ADAM7: variants seen among roughly 807,000 people sequenced by gnomAD.
ADAM7 encodes the protein ADAM metallopeptidase domain 7.
In ADAM7, 97 loss-of-function variants were observed where a neutral mutation model predicts 102.9. The observed-to-expected ratio is 0.94, with a 90% confidence interval of 0.80 to 1.12. The LOEUF is 1.12. Ranked by LOEUF, ADAM7 falls within the 50% of genes most tolerant of loss-of-function variation. The pLI, the probability that ADAM7 is intolerant of heterozygous loss-of-function variation, is 0.00. For synonymous variants in ADAM7, 334 were observed against 304.4 expected, an observed-to-expected ratio of 1.10 and a Z score of -1.01; for missense variants, 991 against 908.7, an observed-to-expected ratio of 1.09 and a Z score of -1.16.
chr8:24,447,964 A>G (rs944520538), intron 3 of ADAM7, among the ~76,000 whole-genome samples: 1 of 151,546 alleles, frequency 6.6e-6, no homozygotes, highest in African/African-American at 2.4e-5. Flanking sequence ...ACACACACAC[A>G]CACACACACA....
At chr8:24,465,600 T>G (rs1819397832) in intron 4 of ADAM7, 99 bp from the exon 5 acceptor site, 1 of 631,290 alleles carries the variant, frequency 1.6e-6, no homozygotes, top group East Asian at 3.4e-5. Context: ...TTTGTCAAAA[T>G]AAAACATTGA....
intron 7 of ADAM7, among the ~76,000 whole-genome samples, chr8:24,473,298 T>G (rs1164253356): frequency 6.6e-6 from 1 of 152,166 alleles, no homozygotes; most frequent in Non-Finnish European, 1.5e-5. Context: ...ACCTGGTGGG[T>G]AATCAATGAC....
intron 17 of ADAM7, 21 bp from the exon 18 acceptor site, chr8:24,500,157 T>A (rs755571087): frequency 4.4e-6 from 7 of 1,596,824 alleles, no homozygotes; most frequent in Middle Eastern, 1.7e-4. Context: ...TTTGAGAATA[T>A]ATCATTGACT....
At chr8:24,479,232 A>G (rs1469822244) in intron 8 of ADAM7, among the ~76,000 whole-genome samples, 1 of 152,116 alleles carries the variant, frequency 6.6e-6, no homozygotes, top group Non-Finnish European at 1.5e-5. Context: ...CCTCAGTCTT[A>G]GGGAAGCCCT....
At chr8:24,463,381 G>A (rs1004668388) in intron 3 of ADAM7, among the ~76,000 whole-genome samples, 3 of 152,124 alleles carry the variant, frequency 2.0e-5, no homozygotes. Context: ...CAATGGTAGG[G>A]TCTTGCCATG....
At chr8:24,456,421 TG>T (rs1423979885) in intron 3 of ADAM7, among the ~76,000 whole-genome samples, 2 of 152,186 alleles carry the variant, frequency 1.3e-5, no homozygotes, top group Non-Finnish European at 2.9e-5. Flanking sequence ...TTGTGAATAG[TG>T]TTGCAATGAA....
intron 4 of ADAM7, among the ~76,000 whole-genome samples, chr8:24,465,193 T>C (rs1819385188): frequency 6.6e-6 from 1 of 151,960 alleles, no homozygotes; most frequent in South Asian, 2.1e-4. Flanking sequence ...TTTGTGAGGG[T>C]GTGAGGTCCC....
chr8:24,479,891 A>AG (rs1464421246), intron 8 of ADAM7, among the ~76,000 whole-genome samples: 3 of 152,158 alleles, frequency 2.0e-5, no homozygotes, highest in Non-Finnish European at 2.9e-5. Flanking sequence ...TGGTGGATAC[A>AG]GAAAAAAATA....
chr8:24,493,318 C>A, intron 16 of ADAM7, 89 bp downstream of exon 16: 2 of 1,228,210 alleles, frequency 1.6e-6, no homozygotes, highest in East Asian at 2.8e-5. Flanking sequence ...CCAAAGAGGT[C>A]TAGATATGGA....
chr8:24,455,456 G>A (rs1818996129), intron 3 of ADAM7, among the ~76,000 whole-genome samples: 1 of 152,212 alleles, frequency 6.6e-6, no homozygotes, highest in South Asian at 2.1e-4. Flanking sequence ...AGGCTAGAGT[G>A]CAGTGGCACA....
In ADAM7 at chr8:24,492,250, T is replaced by C. The variant is rs145843017; in HGVS notation, c.1552+152T>C. The C allele has an allele frequency of 1.6e-4, 129 of 793,718 alleles. No individual in the cohort carries two copies. In the African/African-American group the frequency reaches 1.7e-3, roughly 10 times the overall value. 49.2% of individuals were successfully genotyped at this position (793,718 alleles called of 1,614,324 possible). A position where few individuals can be genotyped will look rare whatever the true frequency, so the allele number is the denominator to read the frequency against. On this transcript the variant is annotated intron_variant, in intron 14 of 21. Coordinates refer to ENST00000175238, the MANE Select transcript of ADAM7 (RefSeq NM_003817.4). ...GCATTTCTCTGGATATTACCTGTCATATTAGTTGATCTTACGTCTAATATT... is the reference window on the plus strand; with the variant it reads ...GCATTTCTCTGGATATTACCTGTCACATTAGTTGATCTTACGTCTAATATT...
At chr8:24,488,700 T>C (rs1820230647) in intron 11 of ADAM7, among the ~76,000 whole-genome samples, 1 of 152,152 alleles carries the variant, frequency 6.6e-6, no homozygotes. Flanking sequence ...TGGATGTGTA[T>C]ATTATTAAAT....
At chr8:24,499,137 T>C in intron 16 of ADAM7, 99 bp from the exon 17 acceptor site, 1 of 861,428 alleles carries the variant, frequency 1.2e-6, no homozygotes, top group Non-Finnish European at 1.7e-6. Context: ...CATATGTAAA[T>C]TACATGCAAA....
Position 24,468,753 on chromosome 8 carries a change from C to T in ADAM7, c.580-14C>T, listed in dbSNP as rs1180065763. ...GTTAACTATACTTCAACTGAATTTT[C>T]CCTAACTTTACAGGGCATCCATGAT... On this transcript the variant is annotated splice_polypyrimidine_tract_variant and intron_variant, in intron 6 of 21. Transcript: ENST00000175238. The T allele has an allele frequency of 1.2e-6, 2 of 1,611,298 alleles. No individual in the cohort carries two copies. Among genetic ancestry groups the T allele is most frequent in the African/African-American group, 1.3e-5 (1 of 74,774 alleles).
intron 4 of ADAM7, 125 bp downstream of exon 4, chr8:24,464,085 G>T: frequency 3.9e-6 from 3 of 766,454 alleles, no homozygotes; most frequent in South Asian, 1.9e-5. Context: ...GCTCTGAATT[G>T]ATTACTCTCA....
chr8:24,489,385 A>G (rs1333244323), intron 12 of ADAM7, 52 bp downstream of exon 12: 2 of 1,526,752 alleles, frequency 1.3e-6, no homozygotes. Context: ...ATCAGGTAGA[A>G]CCTAGGCAGG....
At chr8:24,451,144 T>C (rs1585854447) in intron 3 of ADAM7, among the ~76,000 whole-genome samples, 5 of 152,046 alleles carry the variant, frequency 3.3e-5, no homozygotes, top group Admixed American at 3.3e-4. Flanking sequence ...GGCTTTGGTA[T>C]CAGAATGATG....
chr8:24,479,947 G>A (rs1388758223), intron 8 of ADAM7, among the ~76,000 whole-genome samples: 3 of 152,120 alleles, frequency 2.0e-5, no homozygotes, highest in African/African-American at 4.8e-5. Flanking sequence ...TCAGGATAGA[G>A]GCAACATTCT....
At chr8:24,456,111 G>A (rs1223869550) in intron 3 of ADAM7, among the ~76,000 whole-genome samples, 1 of 152,060 alleles carries the variant, frequency 6.6e-6, no homozygotes. Flanking sequence ...TGTACCCTTT[G>A]ACCATCATCT....
Sources: gnomAD v4.1 joint callset for allele counts (sites outside exome capture counted in the v4.1 genomes callset) on GRCh38, gnomAD v4.1.1 for gene constraint, MANE v1.5 for transcripts, NCBI Gene and HGNC (gene_info 2026-07-23, HGNC 2026-07-21) for gene names.